The following KLF13 variants were observed in gnomAD, a reference collection of about 807,000 sequenced individuals.
KLF13 encodes Krueppel-like factor 13.
A neutral mutation model predicts 16.7 loss-of-function variants in KLF13; 8 were observed. The observed-to-expected ratio is 0.48, with a 90% CI of 0.28 to 0.87. The LOEUF (loss-of-function observed/expected upper bound fraction) is 0.87, where lower values mean the gene tolerates loss of function less well. Ranked by LOEUF, KLF13 falls within the 40% of genes least tolerant of loss-of-function variation. The pLI is 0.10. For synonymous variants in KLF13, 245 were observed against 208.4 expected, an observed-to-expected ratio of 1.18 and a Z score of -1.51; for missense variants, 447 against 452.2, an observed-to-expected ratio of 0.99 and a Z score of 0.10.
chr15:31,386,811 G>A (rs890589570), intron 1 of KLF13, among the ~76,000 whole-genome samples: 8 of 152,168 alleles, frequency 5.3e-5, no homozygotes, highest in East Asian at 1.9e-4. Context: ...TTTACCATTC[G>A]GAAAATCCTG....
At chr15:31,418,584 G>C (rs2040284296) in intron 1 of KLF13, among the ~76,000 whole-genome samples, 1 of 151,984 alleles carries the variant, frequency 6.6e-6, no homozygotes, top group Non-Finnish European at 1.5e-5. Flanking sequence ...GAAAAGTAGA[G>C]GACATACTGA....
rs1200876935 is a variant in KLF13 at position 31,331,926 on chromosome 15, C to T, written c.577+4137C>T. 5.9e-5 allele frequency among the ~76,000 whole-genome samples: 9 copies of T among 152,294 alleles called. No homozygotes were observed. The East Asian group carries it at 1.3e-3, about 23-fold the overall frequency. ...GTATCTCACTGCTGGCATTTTGTTC[C>T]ATGTGTTTGCTTAAATGAGGCATCT... On this transcript the variant is annotated intron_variant, in intron 1 of 1. Coordinates refer to ENST00000307145, the MANE Select transcript of KLF13 (RefSeq NM_015995.4).
intron 2 of KLF13, among the ~76,000 whole-genome samples, chr15:31,401,813 G>T (rs550769379): frequency 6.6e-6 from 1 of 152,210 alleles, no homozygotes; most frequent in Non-Finnish European, 1.5e-5. Flanking sequence ...CAGCATGAGG[G>T]CTGAGTCTCC....
chr15:31,366,028 C>T (rs1181737927), intron 1 of KLF13: 2 of 152,212 alleles, frequency 1.3e-5, no homozygotes. Context: ...CTCGCGGCCT[C>T]GCTGTGGCGC....
At chr15:31,391,684 TGGGGGGCTGTGTGGGGGCTCTGTA>T (rs2039872510), upstream of KLF13, among the ~76,000 whole-genome samples, 1 of 135,322 alleles carries the variant, frequency 7.4e-6, no homozygotes, top group African/African-American at 2.8e-5. Flanking sequence ...GGTGCACTGT[TGGGGGGCTGTGTGGGGGCTCTGTA>T]GGGGGGCTGT....
At chr15:31,340,848 G>A (rs1321214273) in intron 1 of KLF13, among the ~76,000 whole-genome samples, 9 of 152,180 alleles carry the variant, frequency 5.9e-5, no homozygotes, top group African/African-American at 1.7e-4. Flanking sequence ...AAACCTGGGC[G>A]ACACGGGGAG....
chr15:31,431,684 G>A (rs751192121), intron 1 of KLF13, among the ~76,000 whole-genome samples: 2 of 152,072 alleles, frequency 1.3e-5, no homozygotes, highest in Non-Finnish European at 2.9e-5. Flanking sequence ...CAGGATGGTC[G>A]CTATCTCCTG....
chr15:31,353,811 C>G (rs1464295730), intron 1 of KLF13, among the ~76,000 whole-genome samples: 1 of 151,792 alleles, frequency 6.6e-6, no homozygotes, highest in African/African-American at 2.4e-5. Flanking sequence ...AACCCCCACA[C>G]CCTTCCCCTC....
exon 3 of KLF13, chr15:31,403,732 C>T (rs2040073601): frequency 6.6e-6 from 1 of 152,242 alleles, no homozygotes. Context: ...GACTTCCTGC[C>T]TCCCACATTG....
chr15:31,387,169 T>G (rs1221792804), intron 1 of KLF13, among the ~76,000 whole-genome samples: 1 of 152,180 alleles, frequency 6.6e-6, no homozygotes, highest in Admixed American at 6.5e-5. Flanking sequence ...TGGAGGAAGT[T>G]TTACCGTGGG....
chr15:31,367,770 G>A (rs2039498539), intron 1 of KLF13, among the ~76,000 whole-genome samples: 2 of 152,186 alleles, frequency 1.3e-5, no homozygotes, highest in African/African-American at 2.4e-5. Context: ...CGTGCCAGGC[G>A]CTGTGCTGAG....
Position 31,327,760 on chromosome 15 carries a change from A to G in KLF13, c.548A>G (p.His183Arg). Residue 183 changes from histidine (H) to arginine (R), a missense_variant, in exon 1 of 2, where the codon CAC (histidine) becomes CGC (arginine). By Grantham distance (29) the His-to-Arg change is conservative (BLOSUM62 0). Coordinates refer to ENST00000307145, the MANE Select transcript of KLF13 (RefSeq NM_015995.4). ...GAGAAAGTTTACGGGAAATCTTCGCACCTCAAGGCGCACCTGAGAACTCAC... is the reference window on the plus strand; with the variant it reads ...GAGAAAGTTTACGGGAAATCTTCGCGCCTCAAGGCGCACCTGAGAACTCAC... ...GCEKVYGKSSHLKAHLRTHTG... is the reference protein window; with the variant it reads ...GCEKVYGKSSRLKAHLRTHTG... The G allele has an allele frequency of 6.5e-7, 1 of 1,531,230 alleles. No homozygotes were observed. The highest frequency in any genetic ancestry group is 8.8e-7 in the Non-Finnish European group (1 of 1,134,630). 94.9% of individuals were successfully genotyped at this position (1,531,230 alleles called of 1,614,324 possible).
chr15:31,332,538 G>T (rs1159858553), intron 1 of KLF13, among the ~76,000 whole-genome samples: 2 of 152,222 alleles, frequency 1.3e-5, no homozygotes, highest in African/African-American at 2.4e-5. Flanking sequence ...AAGGCTGGAA[G>T]CTGTGCTGCC....
chr15:31,358,078 G>A (rs1263974369), intron 1 of KLF13, among the ~76,000 whole-genome samples: 1 of 152,188 alleles, frequency 6.6e-6, no homozygotes, highest in Non-Finnish European at 1.5e-5. Flanking sequence ...AGAGATGAGG[G>A]TAAGGTAAGC....
intron 1 of KLF13, among the ~76,000 whole-genome samples, 187 bp from the exon 2 acceptor site, chr15:31,371,823 G>T (rs1043110050): frequency 4.6e-5 from 7 of 152,230 alleles, no homozygotes; most frequent in Admixed American, 2.0e-4. Context: ...CATCCCAGGC[G>T]TGGGCGGGAG....
intron 1 of KLF13, among the ~76,000 whole-genome samples, chr15:31,354,006 G>A (rs923592499): frequency 2.6e-5 from 4 of 152,266 alleles, no homozygotes; most frequent in Admixed American, 1.3e-4. Context: ...GACCCAGGTT[G>A]TAGTGTGGGG....
At chr15:31,369,133 T>C (rs2039519471) in intron 1 of KLF13, among the ~76,000 whole-genome samples, 1 of 152,270 alleles carries the variant, frequency 6.6e-6, no homozygotes, top group South Asian at 2.1e-4. Flanking sequence ...TTGTTGACTA[T>C]CTTTGTAATT....
intron 1 of KLF13, among the ~76,000 whole-genome samples, chr15:31,410,712 A>G (rs542469673): frequency 5.3e-5 from 8 of 152,256 alleles, no homozygotes; most frequent in African/African-American, 1.7e-4. Flanking sequence ...CAGTTTTCCA[A>G]AAAGCCACAA....
intron 2 of KLF13, among the ~76,000 whole-genome samples, chr15:31,399,730 T>C (rs921679159): frequency 2.6e-5 from 4 of 152,160 alleles, no homozygotes; most frequent in African/African-American, 7.2e-5. Context: ...GGGGTCGCTG[T>C]GGGGCAGAGG....
Sources: allele counts gnomAD v4.1 joint callset (sites outside exome capture counted in the v4.1 genomes callset), GRCh38; gene constraint gnomAD v4.1.1; transcripts MANE v1.5; gene names NCBI Gene and HGNC (gene_info 2026-07-23, HGNC 2026-07-21).